The following ATRNL1 variants were observed in gnomAD, a reference collection of about 807,000 sequenced individuals.
ATRNL1 encodes attractin-like protein 1.
ATRNL1 carries 95 observed loss-of-function variants against 182.7 expected under a neutral mutation model. The ratio of observed to expected loss-of-function variants is 0.52; its 90% CI spans 0.44 to 0.62. The LOEUF (loss-of-function observed/expected upper bound fraction) is 0.62. Among genes scored for constraint, ATRNL1 ranks in the 20% least tolerant of loss-of-function variants. The pLI is 0.00. For synonymous variants in ATRNL1, 576 were observed against 568.3 expected (o/e 1.01, Z -0.19); for missense variants, 1,471 against 1,679.5 (o/e 0.88, Z 2.17).
intron 5 of ATRNL1, among the ~76,000 whole-genome samples, chr10:115,159,382 A>G (rs1053543809): frequency 6.6e-6 from 1 of 151,608 alleles, no homozygotes; most frequent in African/African-American, 2.4e-5. Context: ...TGAATATGGA[A>G]AGGAAAAGGC....
At chr10:115,923,887 CT>C (rs1446307620) in intron 28 of ATRNL1, among the ~76,000 whole-genome samples, 1 of 152,162 alleles carries the variant, frequency 6.6e-6, no homozygotes, top group African/African-American at 2.4e-5. Flanking sequence ...AAAAGCGTTC[CT>C]GTTTCTCCAC....
chr10:115,887,091 C>A (rs1410865473), intron 28 of ATRNL1, among the ~76,000 whole-genome samples: 9 of 152,150 alleles, frequency 5.9e-5, no homozygotes, highest in African/African-American at 2.2e-4. Context: ...AATGCATCAT[C>A]ATGGACCCCA....
At chr10:115,109,995 A>G (rs1399591998) in intron 1 of ATRNL1, among the ~76,000 whole-genome samples, 14 of 152,208 alleles carry the variant, frequency 9.2e-5, no homozygotes, top group African/African-American at 3.4e-4. Context: ...TTTCTAGGGT[A>G]TCTTATATAG....
chr10:115,948,068 A>G lies in ATRNL1; in HGVS notation c.*3289A>G, dbSNP rs1293857836. 6.6e-6 allele frequency: 1 copy of G among 152,226 alleles called. No individual in the cohort carries two copies. 9.4% of individuals were successfully genotyped at this position (152,226 alleles called of 1,614,324 possible). A position where few individuals can be genotyped will look rare whatever the true frequency, so the allele number is the denominator to read the frequency against. Reference sequence around the variant, plus strand: ...TTTTGGTCGTAGGTAAAGGTCAATCAGGTTTTTCAAAAAGACTCCCTGAAT... The same window carrying G: ...TTTTGGTCGTAGGTAAAGGTCAATCGGGTTTTTCAAAAAGACTCCCTGAAT... On this transcript the variant is annotated 3_prime_UTR_variant, in exon 29 of 29. Transcript: ENST00000355044.
intron 21 of ATRNL1, among the ~76,000 whole-genome samples, chr10:115,446,716 G>A (rs1238493840): frequency 6.6e-6 from 1 of 152,008 alleles, no homozygotes. Context: ...AGTATGAATG[G>A]TTTTGTATTC....
chr10:115,640,456 A>G (rs1337130834), intron 26 of ATRNL1, among the ~76,000 whole-genome samples: 1 of 152,144 alleles, frequency 6.6e-6, no homozygotes, highest in African/African-American at 2.4e-5. Flanking sequence ...CTGACTTTTT[A>G]GTGATCGCCA....
chr10:115,473,316 T>TC (rs1209493833), intron 24 of ATRNL1, among the ~76,000 whole-genome samples: 1 of 151,286 alleles, frequency 6.6e-6, no homozygotes, highest in Non-Finnish European at 1.5e-5. Context: ...TTCTTTTTTT[T>TC]CCTTATGTTC....
chr10:115,731,124 C>T lies in ATRNL1; in HGVS notation c.3903+3769C>T, dbSNP rs797027565. Reference sequence around the variant, plus strand: ...ATGTTAATCTTCTTTGGCACATCGTCGCAGACACACCCAGGATCCATACAT... The same window carrying T: ...ATGTTAATCTTCTTTGGCACATCGTTGCAGACACACCCAGGATCCATACAT... On this transcript the variant is annotated intron_variant, in intron 27 of 28. Coordinates refer to ENST00000355044, the MANE Select transcript of ATRNL1 (RefSeq NM_207303.4). Among the ~76,000 whole-genome samples the T allele has an allele frequency of 5.9e-5, 9 of 152,258 alleles. 1 individual carries two copies. Among genetic ancestry groups the T allele is most frequent in the African/African-American group, 1.9e-4 (8 of 41,550 alleles).
intron 27 of ATRNL1, among the ~76,000 whole-genome samples, chr10:115,833,371 C>T (rs1422302589): frequency 6.6e-6 from 1 of 152,094 alleles, no homozygotes; most frequent in Non-Finnish European, 1.5e-5. Flanking sequence ...CTTTTCACGG[C>T]ATAGCGTGCT....
At chr10:115,197,720 A>G (rs892061530) in intron 8 of ATRNL1, among the ~76,000 whole-genome samples, 1 of 152,112 alleles carries the variant, frequency 6.6e-6, no homozygotes, top group Non-Finnish European at 1.5e-5. Flanking sequence ...CCCTCTCTGT[A>G]TAGGAAAAGT....
chr10:115,934,581 T>C (rs1305857689), intron 28 of ATRNL1, among the ~76,000 whole-genome samples: 1 of 152,030 alleles, frequency 6.6e-6, no homozygotes, highest in African/African-American at 2.4e-5. Context: ...CCCTATTTTA[T>C]CTCCCATACT....
intron 26 of ATRNL1, among the ~76,000 whole-genome samples, chr10:115,725,011 C>A (rs1394965053): frequency 6.6e-5 from 10 of 152,116 alleles, no homozygotes; most frequent in African/African-American, 2.4e-4. Flanking sequence ...CTAGGTGACA[C>A]AGAATAAATT....
chr10:115,508,915 C>T (rs1246074034), intron 24 of ATRNL1, among the ~76,000 whole-genome samples: 1 of 151,952 alleles, frequency 6.6e-6, no homozygotes, highest in African/African-American at 2.4e-5. Flanking sequence ...AAAGAAGATA[C>T]CACCTAGGAA....
chr10:115,701,952 C>G (rs1004474539), intron 26 of ATRNL1, among the ~76,000 whole-genome samples: 1 of 151,886 alleles, frequency 6.6e-6, no homozygotes, highest in Non-Finnish European at 1.5e-5. Context: ...TTCTATGAAG[C>G]CAGCATCACC....
At chr10:115,508,877 T>C (rs376512914) in intron 24 of ATRNL1, among the ~76,000 whole-genome samples, 2 of 151,972 alleles carry the variant, frequency 1.3e-5, no homozygotes, top group Non-Finnish European at 2.9e-5. Flanking sequence ...AAATAACAGA[T>C]TCTCAATGTA....
At chr10:115,235,758 G>T (rs1446577258) in intron 9 of ATRNL1, among the ~76,000 whole-genome samples, 2 of 151,998 alleles carry the variant, frequency 1.3e-5, no homozygotes, top group African/African-American at 2.4e-5. Flanking sequence ...TTTCTCAATG[G>T]TAAATATACT....
At chr10:115,619,168 G>A (rs528650785) in intron 26 of ATRNL1, among the ~76,000 whole-genome samples, 3 of 152,190 alleles carry the variant, frequency 2.0e-5, no homozygotes, top group South Asian at 2.1e-4. Context: ...CTGGGGACAG[G>A]GACATCAGGC....
intron 27 of ATRNL1, among the ~76,000 whole-genome samples, chr10:115,778,260 A>G (rs1351422309): frequency 1.3e-5 from 2 of 152,178 alleles, no homozygotes; most frequent in Non-Finnish European, 2.9e-5. Context: ...TAACAATAAC[A>G]AGAGCTATCT....
intron 8 of ATRNL1, among the ~76,000 whole-genome samples, chr10:115,183,855 A>G (rs1847837875): frequency 6.6e-6 from 1 of 151,594 alleles, no homozygotes; most frequent in Admixed American, 6.6e-5. Context: ...ACAGAAATGG[A>G]AAATTTACAT....
Sources: allele counts gnomAD v4.1 joint callset (sites outside exome capture counted in the v4.1 genomes callset), GRCh38; gene constraint gnomAD v4.1.1; transcripts MANE v1.5; gene names NCBI Gene and HGNC (gene_info 2026-07-23, HGNC 2026-07-21).